Variants in GRM2 observed in about 807,000 individuals in gnomAD.
GRM2 encodes the protein glutamate metabotropic receptor 2.
In GRM2, 35 loss-of-function variants were observed where a neutral mutation model predicts 60.4. That is an observed-to-expected ratio of 0.58 (90% CI 0.44 to 0.77). The LOEUF is 0.77. Ranked by LOEUF, GRM2 falls within the 30% of genes least tolerant of loss-of-function variation. GRM2 has a pLI of 0.00. For synonymous variants in GRM2, 437 were observed against 484.1 expected (o/e 0.90, Z 1.28); for missense variants, 925 against 1,199.5 (o/e 0.77, Z 3.38).
In GRM2 at chr3:51,713,755, T is replaced by C. The variant is rs1050299140; in HGVS notation, c.1288+445T>C. Reference sequence around the variant, plus strand: ...TTCTTTTCTTTCTTTTTTCTTTCTTTCTTTCTTTCTTTCTTTTCTTAGATG... The same window carrying C: ...TTCTTTTCTTTCTTTTTTCTTTCTTCCTTTCTTTCTTTCTTTTCTTAGATG... On this transcript the variant is annotated intron_variant, in intron 3 of 5. Coordinates refer to ENST00000395052, the MANE Select transcript of GRM2 (RefSeq NM_000839.5). This position sits in a 1 kb window ranked among gnomAD's most constrained non-coding sequence, Gnocchi z 4.8. The C allele has an allele frequency of 5.3e-5, 12 of 228,160 alleles. No homozygotes were observed. Among genetic ancestry groups the C allele is most frequent in the Non-Finnish European group, 9.7e-5 (11 of 112,828 alleles). The allele number at this position is 228,160 out of a possible 1,614,324, so 14.1% of individuals were successfully genotyped here. A position where few individuals can be genotyped will look rare whatever the true frequency, so the allele number is the denominator to read the frequency against.
rs1346237306 is a variant in GRM2, at chr3:51,717,623, C to T, written c.2365-14C>T. Reference sequence around the variant, plus strand: ...GTCTTGACCTGTGCTTGTTCACCCACTCACCCACCGCAGGTACAGACCACC... The same window carrying T: ...GTCTTGACCTGTGCTTGTTCACCCATTCACCCACCGCAGGTACAGACCACC... On this transcript the variant is annotated splice_polypyrimidine_tract_variant and intron_variant, in intron 4 of 5. Coordinates refer to ENST00000395052, the MANE Select transcript of GRM2 (RefSeq NM_000839.5). This position sits in a 1 kb window ranked among gnomAD's most constrained non-coding sequence, Gnocchi z 6.0. The T allele has an allele frequency of 3.7e-6, 6 of 1,608,290 alleles. No individual in the cohort carries two copies. Among genetic ancestry groups the T allele is most frequent in the Non-Finnish European group, 4.2e-6 (5 of 1,176,614 alleles).
At position 51,712,847 on chromosome 3, in the gene GRM2, C is replaced by T; in HGVS notation, c.825C>T (p.Ala275=). The T allele has an allele frequency of 5.0e-6, 8 of 1,612,912 alleles. No individual in the cohort carries two copies. Among genetic ancestry groups the T allele is most frequent in the Non-Finnish European group, 6.8e-6 (8 of 1,180,036 alleles). ...TCCTGTTCACCCGTTCTGAGGATGC[C>T]CGGGAGCTGCTTGCTGCCAGCCAGC... ...VAVLFTRSED[A]RELLAASQRL... Residue 275 remains alanine (A), a synonymous_variant, in exon 3 of 6, where the codon GCC becomes GCT. Transcript: ENST00000395052. The surrounding 1 kb of genome is among the most constrained non-coding windows in gnomAD (Gnocchi z 5.3).
At position 51,712,023 on chromosome 3, in the gene GRM2, T is replaced by C. The variant is rs1032641527; in HGVS notation, c.451-450T>C. ...GTGTCTTTCTTCCTAGGGGAAACTT[T>C]TCCTTCTTTCTGTATCATTCCATCA... On this transcript the variant is annotated intron_variant, in intron 2 of 5. Coordinates refer to ENST00000395052, the MANE Select transcript of GRM2 (RefSeq NM_000839.5). This position sits in a 1 kb window ranked among gnomAD's most constrained non-coding sequence, Gnocchi z 5.3. Among the ~76,000 whole-genome samples the C allele has an allele frequency of 1.3e-5, 2 of 152,214 alleles. No individual in the cohort carries two copies. Among genetic ancestry groups the C allele is most frequent in the Non-Finnish European group, 2.9e-5 (2 of 68,028 alleles).
At position 51,715,308 on chromosome 3, in the gene GRM2, T is replaced by G; in HGVS notation, c.1535T>G (p.Val512Gly). 3 of 1,613,152 alleles carry G rather than the reference T, an allele frequency of 1.9e-6. No homozygotes were observed. Among genetic ancestry groups the G allele is most frequent in the Non-Finnish European group, 8.5e-7 (1 of 1,179,548 alleles). The change falls in exon 4 of 6, where the codon GTG becomes GGG. Residue 512 changes from valine to glycine, a missense_variant. Val to Gly is a moderately radical substitution (Grantham distance 109, BLOSUM62 -3). Coordinates refer to ENST00000395052, the MANE Select transcript of GRM2 (RefSeq NM_000839.5). The surrounding 1 kb of genome is among the most constrained non-coding windows in gnomAD (Gnocchi z 9.0). ...TGCCTCCAGAATGAGGTGAAGAGTGTGCAGCCGGGCGAAGTCTGCTGCTGG... is the reference window on the plus strand; with the variant it reads ...TGCCTCCAGAATGAGGTGAAGAGTGGGCAGCCGGGCGAAGTCTGCTGCTGG... Reference protein sequence around the residue: ...EPCLQNEVKSVQPGEVCCWLC... With the variant: ...EPCLQNEVKSGQPGEVCCWLC...
In GRM2 at chr3:51,715,098, G is replaced by A. The variant is rs1207998527; in HGVS notation, c.1325G>A (p.Arg442His). 9 of 1,582,580 alleles carry A rather than the reference G, an allele frequency of 5.7e-6. No individual in the cohort carries two copies. Among genetic ancestry groups the A allele is most frequent in the South Asian group, 4.7e-5 (4 of 85,760 alleles). Reference protein sequence around the residue: ...FRPADTHNEVRFDRFGDGIGR... With the variant: ...FRPADTHNEVHFDRFGDGIGR... ...CCAGCTGACACCCACAATGAGGTCC[G>A]CTTTGACCGCTTTGGTGATGGTATT... is the stretch of plus-strand genomic sequence containing the variant. The change falls in exon 4 of 6, where the codon CGC becomes CAC. Residue 442 changes from arginine (R) to histidine (H), a missense_variant. Physicochemically the swap from Arg to His is conservative, Grantham distance 29. Transcript: ENST00000395052. The surrounding 1 kb of genome is among the most constrained non-coding windows in gnomAD (Gnocchi z 9.0).
rs754752279 is a variant in GRM2, at chr3:51,713,234, C to G, written c.1212C>G (p.Thr404=). The change falls in exon 3 of 6, where the codon ACC becomes ACG. Residue 404 remains threonine, a synonymous_variant. Coordinates refer to ENST00000395052, the MANE Select transcript of GRM2 (RefSeq NM_000839.5). The surrounding 1 kb of genome is among the most constrained non-coding windows in gnomAD (Gnocchi z 4.8). ...ACCGTGCCCTCTGCCCCAACACCACCCGGCTCTGTGACGCGATGCGGCCAG... is the reference window on the plus strand; with the variant it reads ...ACCGTGCCCTCTGCCCCAACACCACGCGGCTCTGTGACGCGATGCGGCCAG... The part of the protein sequence containing the change: ...NMHRALCPNT[T]RLCDAMRPVN... The G allele has an allele frequency of 3.1e-6, 5 of 1,613,098 alleles. No individual in the cohort carries two copies. The South Asian group carries it at 5.5e-5, about 18-fold the overall frequency.
Position 51,717,587 on chromosome 3 carries a change from G to T in GRM2, c.2365-50G>T. 1.3e-6 allele frequency: 2 copies of T among 1,496,950 alleles called. No homozygotes were observed. The highest frequency in any genetic ancestry group is 1.8e-6 in the Non-Finnish European group (2 of 1,084,778). 92.7% of individuals were successfully genotyped at this position (1,496,950 alleles called of 1,614,324 possible). On this transcript the variant is annotated intron_variant, in intron 4 of 5. Transcript: ENST00000395052. This position sits in a 1 kb window ranked among gnomAD's most constrained non-coding sequence, Gnocchi z 6.0. ...CACAGATCAGGCAGGGGGTCCTGGG[G>T]TCAGGCCCAGGTCTTGACCTGTGCT...
At position 51,713,099 on chromosome 3, in the gene GRM2, G is replaced by A. The variant is rs1485071606; in HGVS notation, c.1077G>A (p.Gln359=). 2 of 1,613,158 alleles carry A rather than the reference G, an allele frequency of 1.2e-6. No individual in the cohort carries two copies. Among genetic ancestry groups the A allele is most frequent in the African/African-American group, 1.3e-5 (1 of 75,072 alleles). The change falls in exon 3 of 6, where the codon CAG becomes CAA. Residue 359 remains glutamine, a synonymous_variant. Transcript: ENST00000395052. This position sits in a 1 kb window ranked among gnomAD's most constrained non-coding sequence, Gnocchi z 4.8. ...WEQRFRCSFR[Q]RDCAAHSLRA... ...AGAGGTTCCGCTGCAGCTTCCGGCA[G>A]CGAGACTGCGCAGCCCACTCTCTCC...
chr3:51,709,239 G>A lies in GRM2; in HGVS notation c.256G>A (p.Ala86Thr), dbSNP rs916562998. ...PHLLPGVRLG[A>T]HILDSCSKDT... ...CCTGCTGCCTGGCGTGCGCCTGGGT[G>A]CACACATCCTCGACAGTTGCTCCAA... The change falls in exon 2 of 6, where the codon GCA becomes ACA. Residue 86 changes from alanine to threonine, a missense_variant. By Grantham distance (58) the Ala-to-Thr change is moderately conservative (BLOSUM62 0). Transcript: ENST00000395052. 1.9e-6 allele frequency: 3 copies of A among 1,607,026 alleles called. No individual in the cohort carries two copies. Among genetic ancestry groups the A allele is most frequent in the Non-Finnish European group, 2.6e-6 (3 of 1,175,438 alleles).
In GRM2 at chr3:51,712,907, T is replaced by C. The variant is rs980171943; in HGVS notation, c.885T>C (p.Asp295=). The C allele has an allele frequency of 2.0e-5, 33 of 1,612,902 alleles. No homozygotes were observed. The African/African-American group carries it at 4.3e-4, about 21-fold the overall frequency. The change falls in exon 3 of 6, where the codon GAT becomes GAC. Residue 295 remains aspartate, a synonymous_variant. Coordinates refer to ENST00000395052, the MANE Select transcript of GRM2 (RefSeq NM_000839.5). The surrounding 1 kb of genome is among the most constrained non-coding windows in gnomAD (Gnocchi z 5.3). ...LNASFTWVAS[D]GWGALESVVA... is the part of the protein sequence containing the mutation. ...CCAGCTTCACCTGGGTGGCCAGTGA[T>C]GGTTGGGGGGCCCTGGAGAGTGTGG...
chr3:51,712,218 A>G lies in GRM2; in HGVS notation c.451-255A>G, dbSNP rs1220336670. ...TGCCATGTGTCTAAAAGGGGATGGC[A>G]GAGGGGATCAGGTGTGGCTCATGAC... On this transcript the variant is annotated intron_variant, in intron 2 of 5. Transcript: ENST00000395052. The surrounding 1 kb of genome is among the most constrained non-coding windows in gnomAD (Gnocchi z 5.3). Among the ~76,000 whole-genome samples, 1 of 152,138 alleles carries G rather than the reference A, an allele frequency of 6.6e-6. No homozygotes were observed. The highest frequency in any genetic ancestry group is 2.4e-5 in the African/African-American group (1 of 41,422).
In GRM2 at chr3:51,713,860, G is replaced by A. The variant is rs891688068; in HGVS notation, c.1288+550G>A. On this transcript the variant is annotated intron_variant, in intron 3 of 5. Coordinates refer to ENST00000395052, the MANE Select transcript of GRM2 (RefSeq NM_000839.5). This position sits in a 1 kb window ranked among gnomAD's most constrained non-coding sequence, Gnocchi z 4.8. ...CAGCCTCCAACTCCTGGGCTCAAGC[G>A]ATCCTTCTGCCTCAGTCTCCAGAGT... 2.9e-5 allele frequency: 11 copies of A among 375,242 alleles called. No individual in the cohort carries two copies. The highest frequency in any genetic ancestry group is 2.4e-4 in the Admixed American group (8 of 33,824). The allele number at this position is 375,242 out of a possible 1,614,324, so 23.2% of individuals were successfully genotyped here.
Position 51,713,320 on chromosome 3 carries a change from T to C in GRM2, c.1288+10T>C, listed in dbSNP as rs1437879772. ...AACGTCAAGTTTGATGGTAATGGTGTTGGCCAGTGTCCATTGGCCTGCTGG... is the reference window on the plus strand; with the variant it reads ...AACGTCAAGTTTGATGGTAATGGTGCTGGCCAGTGTCCATTGGCCTGCTGG... On this transcript the variant is annotated intron_variant, in intron 3 of 5. Transcript: ENST00000395052. This position sits in a 1 kb window ranked among gnomAD's most constrained non-coding sequence, Gnocchi z 4.8. 6.4e-7 allele frequency: 1 copy of C among 1,566,188 alleles called. No individual in the cohort carries two copies. The highest frequency in any genetic ancestry group is 2.3e-5 in the East Asian group (1 of 44,136).
chr3:51,714,840 G>C (rs1171613690), intron 3 of GRM2: 2 of 426,972 alleles, frequency 4.7e-6, no homozygotes, highest in Non-Finnish European at 8.2e-6. Flanking sequence ...TTGGCATTTA[G>C]GGTTGGGGTT....
rs1012233062 is a variant in GRM2 at position 51,717,318 on chromosome 3, C to T, written c.2365-319C>T. ...AAATTCACCACCCCACATACATGCA[C>T]TTACACAGATATACACACACACCTA... is the stretch of plus-strand genomic sequence containing the variant. On this transcript the variant is annotated intron_variant, in intron 4 of 5. Transcript: ENST00000395052. The surrounding 1 kb of genome is among the most constrained non-coding windows in gnomAD (Gnocchi z 6.0). Among the ~76,000 whole-genome samples, 10 of 152,182 alleles carry T rather than the reference C, an allele frequency of 6.6e-5. No homozygotes were observed. The highest frequency in any genetic ancestry group is 5.9e-4 in the Admixed American group (9 of 15,284).
At chr3:51,709,468 G>C (rs2107087304) in intron 2 of GRM2, 35 bp downstream of exon 2, 5 of 1,413,670 alleles carry the variant, frequency 3.5e-6, no homozygotes, top group Middle Eastern at 3.7e-4. Flanking sequence ...GGCTAGGGAG[G>C]GAGGCCGGAG....
At position 51,716,256 on chromosome 3, in the gene GRM2, C is replaced by T. The variant is rs920615226; in HGVS notation, c.2364+119C>T. 78 of 698,518 alleles carry T rather than the reference C, an allele frequency of 1.1e-4. No homozygotes were observed. In the African/African-American group the frequency reaches 1.2e-3, roughly 11 times the overall value. The allele number at this position is 698,518 out of a possible 1,614,324, so 43.3% of individuals were successfully genotyped here. A position where few individuals can be genotyped will look rare whatever the true frequency, so the allele number is the denominator to read the frequency against. On this transcript the variant is annotated intron_variant, in intron 4 of 5. Coordinates refer to ENST00000395052, the MANE Select transcript of GRM2 (RefSeq NM_000839.5). The surrounding 1 kb of genome is among the most constrained non-coding windows in gnomAD (Gnocchi z 4.0). ...AAGAGGATAATGCCCACTCAGGGGA[C>T]CACAGCTTGTGTGGATCCCAAGGGG...
chr3:51,715,790 T>A lies in GRM2; in HGVS notation c.2017T>A (p.Phe673Ile). The change falls in exon 4 of 6, where the codon TTC becomes ATC. Residue 673 changes from phenylalanine (F) to isoleucine (I), a missense_variant. Coordinates refer to ENST00000395052, the MANE Select transcript of GRM2 (RefSeq NM_000839.5). This position sits in a 1 kb window ranked among gnomAD's most constrained non-coding sequence, Gnocchi z 9.0. Reference sequence around the variant, plus strand: ...CCGGGAGGGTGCCCAGCGGCCACGCTTCATCAGTCCTGCCTCACAGGTGGC... The same window carrying A: ...CCGGGAGGGTGCCCAGCGGCCACGCATCATCAGTCCTGCCTCACAGGTGGC... Reference protein sequence around the residue: ...GAREGAQRPRFISPASQVAIC... With the variant: ...GAREGAQRPRIISPASQVAIC... 6.2e-7 allele frequency: 1 copy of A among 1,613,578 alleles called. No individual in the cohort carries two copies. Among genetic ancestry groups the A allele is most frequent in the Non-Finnish European group, 8.5e-7 (1 of 1,179,784 alleles).
In GRM2 at chr3:51,709,056, G is replaced by C. The variant is rs760789831; in HGVS notation, c.73G>C (p.Val25Leu). The change falls in exon 2 of 6, where the codon GTG becomes CTG. Residue 25 changes from valine to leucine, a missense_variant. By Grantham distance (32) the Val-to-Leu change is conservative (BLOSUM62 1). Coordinates refer to ENST00000395052, the MANE Select transcript of GRM2 (RefSeq NM_000839.5). ...GAVAEGPAKK[V>L]LTLEGDLVLG... Reference sequence around the variant, plus strand: ...TGTGGCTGAGGGCCCAGCCAAGAAGGTGCTGACCCTGGAGGGAGACTTGGT... The same window carrying C: ...TGTGGCTGAGGGCCCAGCCAAGAAGCTGCTGACCCTGGAGGGAGACTTGGT... 2.5e-6 allele frequency: 4 copies of C among 1,606,218 alleles called. No homozygotes were observed. The highest frequency in any genetic ancestry group is 4.5e-5 in the East Asian group (2 of 44,616).
Sources: gnomAD v4.1 joint callset for allele counts (sites outside exome capture counted in the v4.1 genomes callset) on GRCh38, gnomAD v4.1.1 for gene constraint, Gnocchi (gnomAD v3.1) non-coding constraint, MANE v1.5 for transcripts, NCBI Gene and HGNC (gene_info 2026-07-23, HGNC 2026-07-21) for gene names.